BAZ2B: variants seen among roughly 807,000 people sequenced by gnomAD.
BAZ2B encodes bromodomain adjacent to zinc finger domain 2B, also known as bromodomain adjacent to zinc finger domain protein 2B.
BAZ2B carries 91 observed loss-of-function variants against 246.0 expected under a neutral mutation model. That is an observed-to-expected ratio of 0.37 (90% CI 0.31 to 0.44). The LOEUF is 0.44. Ranked by LOEUF, BAZ2B falls within the 20% of genes least tolerant of loss-of-function variation. BAZ2B has a pLI of 1.00. For missense variants in BAZ2B, 2,332 were observed against 2,533.7 expected, an observed-to-expected ratio of 0.92 and a Z score of 1.71; for synonymous variants, 855 against 860.0, an observed-to-expected ratio of 0.99 and a Z score of 0.10.
intron 13 of BAZ2B, among the ~76,000 whole-genome samples, chr2:159,417,508 G>A (rs140704810): frequency 9.7e-4 from 148 of 152,100 alleles, no homozygotes; most frequent in African/African-American, 3.4e-3. Context: ...TTCTGCTTTC[G>A]AGAGTTGCTA....
At chr2:159,542,447 T>G (rs1043048008) in intron 2 of BAZ2B, among the ~76,000 whole-genome samples, 16 of 152,014 alleles carry the variant, frequency 1.1e-4, no homozygotes, top group Non-Finnish European at 2.4e-4. Flanking sequence ...GAAAGGCAAC[T>G]TGTTATGTTC....
At chr2:159,635,221 T>A in the BAZ2B span, among the ~76,000 whole-genome samples, 1 of 152,174 alleles carries the variant, frequency 6.6e-6, no homozygotes. Flanking sequence ...GGAATTTAGA[T>A]CATTCCCTCA....
chr2:159,455,959 A>G (rs537547403), intron 3 of BAZ2B, among the ~76,000 whole-genome samples: 2 of 152,072 alleles, frequency 1.3e-5, no homozygotes, highest in South Asian at 4.2e-4. Flanking sequence ...TACTATGATC[A>G]GTTCTTTTCT....
At chr2:159,599,732 C>T (rs1019580230) in intron 1 of BAZ2B, among the ~76,000 whole-genome samples, 3 of 151,776 alleles carry the variant, frequency 2.0e-5, no homozygotes, top group South Asian at 2.1e-4. Context: ...GTTAGGAGAT[C>T]GAGGCCATCC....
Position 159,336,990 on chromosome 2 carries a change from A to G in BAZ2B, c.5748T>C (p.Ile1916=), listed in dbSNP as rs1465383369. ...ATGCTATTGATTTCTGTAATTGCTG[A>G]ATGCACAGAGCTACCTGTGCAGCAC... ...ARSAAQVALC[I]QQLQKSIAWE... is the part of the protein sequence containing the mutation. The change falls in exon 33 of 37, where the codon ATT becomes ATC. Residue 1916 remains isoleucine (I), a synonymous_variant. Coordinates refer to ENST00000392783, the MANE Select transcript of BAZ2B (RefSeq NM_013450.4). The G allele has an allele frequency of 6.2e-7, 1 of 1,610,804 alleles. No individual in the cohort carries two copies. Among genetic ancestry groups the G allele is most frequent in the South Asian group, 1.1e-5 (1 of 90,766 alleles).
chr2:159,407,468 C>A (rs572497110), intron 14 of BAZ2B, among the ~76,000 whole-genome samples: 6 of 152,136 alleles, frequency 3.9e-5, no homozygotes, highest in Admixed American at 2.0e-4. Context: ...AAAAAAACCC[C>A]CAAAGAAACC....
chr2:159,515,951 A>T (rs971085215), intron 2 of BAZ2B, among the ~76,000 whole-genome samples: 2 of 152,104 alleles, frequency 1.3e-5, no homozygotes, highest in African/African-American at 2.4e-5. Flanking sequence ...AGTTATTTTT[A>T]AAATTTTGTT....
At chr2:159,368,505 T>C (rs746015753) in intron 27 of BAZ2B, among the ~76,000 whole-genome samples, 2 of 152,208 alleles carry the variant, frequency 1.3e-5, no homozygotes, top group Non-Finnish European at 2.9e-5. Flanking sequence ...TCTTAGCACA[T>C]AGAATACAGC....
intron 16 of BAZ2B, 42 bp from the exon 17 acceptor site, chr2:159,400,706 T>G (rs758246225): frequency 7.7e-6 from 9 of 1,168,460 alleles, no homozygotes; most frequent in Non-Finnish European, 1.1e-5. Context: ...TAAAATAAAC[T>G]ATCTGAGTAA....
chr2:159,685,003 A>T, the BAZ2B span, among the ~76,000 whole-genome samples: 1 of 152,196 alleles, frequency 6.6e-6, no homozygotes, highest in South Asian at 2.1e-4. Context: ...GTATCTTTGC[A>T]TAAAAGAGTC....
the BAZ2B span, among the ~76,000 whole-genome samples, chr2:159,697,902 G>A: frequency 4.6e-5 from 7 of 152,044 alleles, no homozygotes; most frequent in African/African-American, 7.2e-5. Flanking sequence ...GGTTAGAGTT[G>A]AGTAACGGAA....
intron 2 of BAZ2B, among the ~76,000 whole-genome samples, chr2:159,552,493 T>C (rs953979954): frequency 4.6e-5 from 7 of 152,168 alleles, no homozygotes; most frequent in African/African-American, 1.7e-4. Context: ...TTCATAATCC[T>C]TTTAAATTCA....
chr2:159,354,473 C>T (rs1052216715), intron 27 of BAZ2B, among the ~76,000 whole-genome samples: 1 of 152,096 alleles, frequency 6.6e-6, no homozygotes. Context: ...GCCTCAGTCT[C>T]CCAAGTAGCT....
chr2:159,584,615 C>T (rs970465777), intron 1 of BAZ2B, among the ~76,000 whole-genome samples: 4 of 152,006 alleles, frequency 2.6e-5, no homozygotes, highest in South Asian at 2.1e-4. Flanking sequence ...TTTGTTGACG[C>T]CTTATAAGTG....
chr2:159,613,802 C>T (rs528605684), intron 1 of BAZ2B, among the ~76,000 whole-genome samples: 1 of 152,094 alleles, frequency 6.6e-6, no homozygotes, highest in Non-Finnish European at 1.5e-5. Flanking sequence ...TTTCACCTAC[C>T]TACAATTCAC....
downstream of BAZ2B, among the ~76,000 whole-genome samples, chr2:159,318,292 C>G (rs1474405222): frequency 6.6e-6 from 1 of 152,202 alleles, no homozygotes; most frequent in African/African-American, 2.4e-5. Flanking sequence ...TAAGCACCAG[C>G]CCCTTTAAGG....
intron 27 of BAZ2B, among the ~76,000 whole-genome samples, chr2:159,356,788 G>A (rs2059158971): frequency 6.6e-6 from 1 of 152,336 alleles, no homozygotes; most frequent in East Asian, 1.9e-4. Flanking sequence ...GGAACAGGCA[G>A]CAATCTTTGC....
intron 3 of BAZ2B, among the ~76,000 whole-genome samples, chr2:159,465,589 T>A (rs1273548750): frequency 6.6e-6 from 1 of 152,112 alleles, no homozygotes; most frequent in Non-Finnish European, 1.5e-5. Context: ...AACCTTTCAT[T>A]AAATAAACCC....
chr2:159,629,229 G>A, the BAZ2B span, among the ~76,000 whole-genome samples: 1 of 152,174 alleles, frequency 6.6e-6, no homozygotes, highest in Admixed American at 6.5e-5. Flanking sequence ...GTTGGTGGGA[G>A]TGTAAATTAG....
Sources: gnomAD v4.1 joint callset for allele counts (sites outside exome capture counted in the v4.1 genomes callset) on GRCh38, gnomAD v4.1.1 for gene constraint, MANE v1.5 for transcripts, NCBI Gene and HGNC (gene_info 2026-07-23, HGNC 2026-07-21) for gene names.